FREM3: variants seen among roughly 807,000 people sequenced by gnomAD.
FREM3 encodes the protein FRAS1 related extracellular matrix 3, also known as FRAS1-related extracellular matrix protein 3.
Under a neutral mutation model 129.1 loss-of-function variants are expected in FREM3, and 105 were observed. The ratio of observed to expected loss-of-function variants is 0.81; its 90% confidence interval spans 0.69 to 0.96. The LOEUF is 0.96. FREM3 is among the 40% of genes least tolerant of loss of function. FREM3 has a pLI of 0.00. For synonymous variants in FREM3, 1,014 were observed against 1,044.9 expected (o/e 0.97, Z 0.57); for missense variants, 2,593 against 2,666.3 (o/e 0.97, Z 0.61).
Position 143,605,339 on chromosome 4 carries a change from G to A in FREM3, c.6028+5940C>T, listed in dbSNP as rs1214337195. On this transcript the variant is annotated intron_variant, in intron 6 of 7. Coordinates refer to ENST00000329798, the MANE Select transcript of FREM3 (RefSeq NM_001168235.2). ...ATTTCTTCAAGAAATAGATATTAAG[G>A]CTTTTACTTGTTTTTACGTACTCCT... Among the ~76,000 whole-genome samples, 6 of 151,790 alleles carry A rather than the reference G, an allele frequency of 4.0e-5. No individual in the cohort carries two copies. The South Asian group carries it at 6.2e-4, about 16-fold the overall frequency.
chr4:143,637,043 C>T (rs997595727), intron 2 of FREM3, among the ~76,000 whole-genome samples: 5 of 152,120 alleles, frequency 3.3e-5, no homozygotes, highest in African/African-American at 1.2e-4. Flanking sequence ...TTCTACAGCT[C>T]ACACCATAAT....
chr4:143,699,676 C>G lies in FREM3; in HGVS notation c.1000G>C (p.Asp334His). Residue 334 changes from aspartate to histidine, a missense_variant, in exon 1 of 8, where the codon GAC becomes CAC. Asp to His is a moderately conservative substitution (Grantham distance 81). This residue lies in a region of FREM3 where 2,276 missense variants were observed against 2,267.2 expected (regional missense o/e 1.00). Coordinates refer to ENST00000329798, the MANE Select transcript of FREM3 (RefSeq NM_001168235.2). The surrounding 1 kb of genome is among the most constrained non-coding windows in gnomAD (Gnocchi z 4.2). ...ALTPDALAAE[D>H]VESDPGDLVF... ...AGGTCACCAGGGTCTGACTCGACGT[C>G]CTCCGCGGCCAGTGCGTCAGGCGTC... is the stretch of plus-strand genomic sequence containing the variant. 1 of 1,527,590 alleles carries G rather than the reference C, an allele frequency of 6.5e-7. No homozygotes were observed. Among genetic ancestry groups the G allele is most frequent in the African/African-American group, 1.4e-5 (1 of 73,076 alleles). 94.6% of individuals were successfully genotyped at this position (1,527,590 alleles called of 1,614,324 possible). A position where few individuals can be genotyped will look rare whatever the true frequency, so the allele number is the denominator to read the frequency against.
At chr4:143,625,513 G>A (rs1739023593) in intron 3 of FREM3, among the ~76,000 whole-genome samples, 1 of 152,164 alleles carries the variant, frequency 6.6e-6, no homozygotes. Context: ...AAGAAAGCCT[G>A]CATTAATATT....
chr4:143,644,084 G>A (rs1035453068), intron 2 of FREM3, among the ~76,000 whole-genome samples: 1 of 152,134 alleles, frequency 6.6e-6, no homozygotes, highest in Non-Finnish European at 1.5e-5. Flanking sequence ...ATGATCAGGA[G>A]CATCCAAACA....
intron 4 of FREM3, 120 bp downstream of exon 4, chr4:143,623,988 A>T: frequency 1.6e-6 from 1 of 621,840 alleles, no homozygotes; most frequent in Non-Finnish European, 2.8e-6. Flanking sequence ...ACTTCACTTT[A>T]AATCCTAAAT....
At chr4:143,668,233 C>G (rs1183996425) in intron 2 of FREM3, among the ~76,000 whole-genome samples, 1 of 152,014 alleles carries the variant, frequency 6.6e-6, no homozygotes, top group Non-Finnish European at 1.5e-5. Flanking sequence ...ATTCTACAAG[C>G]TGGGTCAAAG....
chr4:143,615,071 A>G (rs1274658182), intron 5 of FREM3, among the ~76,000 whole-genome samples: 2 of 152,244 alleles, frequency 1.3e-5, no homozygotes, highest in Non-Finnish European at 2.9e-5. Context: ...TTGCTTTACA[A>G]AAATCATAAA....
intron 6 of FREM3, among the ~76,000 whole-genome samples, chr4:143,589,426 A>G (rs1464090778): frequency 6.6e-6 from 1 of 152,160 alleles, no homozygotes; most frequent in Non-Finnish European, 1.5e-5. Context: ...TATAAGGTGT[A>G]AGGAAGGGAT....
At chr4:143,584,509 C>T (rs936891821) in intron 7 of FREM3, among the ~76,000 whole-genome samples, 5 of 151,492 alleles carry the variant, frequency 3.3e-5, no homozygotes, top group African/African-American at 1.2e-4. Flanking sequence ...GACTTTAAGC[C>T]AGCAATGATA....
At chr4:143,685,276 C>T (rs1005657832) in intron 2 of FREM3, among the ~76,000 whole-genome samples, 1 of 152,108 alleles carries the variant, frequency 6.6e-6, no homozygotes, top group African/African-American at 2.4e-5. Context: ...TAAAGAAAAA[C>T]CTATCAGATT....
rs60978396 is a variant in FREM3, at chr4:143,585,557, T to A, written c.6178+287A>T. On this transcript the variant is annotated intron_variant, in intron 7 of 7. Coordinates refer to ENST00000329798, the MANE Select transcript of FREM3 (RefSeq NM_001168235.2). This position sits in a 1 kb window ranked among gnomAD's most constrained non-coding sequence, Gnocchi z 4.2. ...GTAATTTCATCTGAAATATTGTTTA[T>A]GAGCAGCTTTAGGTATCTATAAATA... 7.5e-3 allele frequency among the ~76,000 whole-genome samples: 1,146 copies of A among 152,356 alleles called. 12 individuals carry two copies. Among genetic ancestry groups the A allele is most frequent in the African/African-American group, 0.026 (1,083 of 41,574 alleles).
intron 2 of FREM3, among the ~76,000 whole-genome samples, chr4:143,663,273 G>T (rs1459902587): frequency 6.6e-6 from 1 of 152,030 alleles, no homozygotes; most frequent in East Asian, 1.9e-4. Flanking sequence ...TTTTAGGGCA[G>T]GCCTGGTGGT....
chr4:143,583,758 T>A (rs553151705), intron 7 of FREM3, among the ~76,000 whole-genome samples: 70 of 152,208 alleles, frequency 4.6e-4, no homozygotes, highest in African/African-American at 1.7e-3. Flanking sequence ...CAAGCAAATG[T>A]TAAGGGCATT....
In FREM3 at chr4:143,699,177, G is replaced by A; in HGVS notation, c.1499C>T (p.Ala500Val). The A allele has an allele frequency of 6.5e-7, 1 of 1,537,354 alleles. No homozygotes were observed. The change falls in exon 1 of 8, where the codon GCA (alanine) becomes GTA (valine). Residue 500 changes from alanine to valine, a missense_variant. This residue lies in a region of FREM3 where 2,276 missense variants were observed against 2,267.2 expected (regional missense o/e 1.00). Transcript: ENST00000329798. The surrounding 1 kb of genome is among the most constrained non-coding windows in gnomAD (Gnocchi z 4.2). ...CKYFTPADLAAGRVVYQHDGS... is the reference protein window; with the variant it reads ...CKYFTPADLAVGRVVYQHDGS... ...ATCATGCTGATACACCACTCGCCCT[G>A]CTGCCAGGTCCGCTGGTGTGAAATA...
intron 6 of FREM3, among the ~76,000 whole-genome samples, chr4:143,605,632 C>G (rs566918682): frequency 2.7e-4 from 41 of 152,124 alleles, no homozygotes; most frequent in Non-Finnish European, 5.3e-4. Context: ...AGGATATGCA[C>G]TGGATTAATT....
intron 6 of FREM3, among the ~76,000 whole-genome samples, chr4:143,594,896 C>T (rs1173833607): frequency 2.0e-5 from 3 of 152,162 alleles, no homozygotes; most frequent in Non-Finnish European, 2.9e-5. Flanking sequence ...GAGATGCTAG[C>T]AGTGATTCTA....
At chr4:143,590,035 CTCTG>C (rs920187962) in intron 6 of FREM3, among the ~76,000 whole-genome samples, 58 of 151,694 alleles carry the variant, frequency 3.8e-4, no homozygotes, top group African/African-American at 1.2e-3. Flanking sequence ...TGATTTGGCT[CTCTG>C]TCTGTTATTG....
chr4:143,670,917 T>A (rs1739953822), intron 2 of FREM3, among the ~76,000 whole-genome samples: 1 of 152,110 alleles, frequency 6.6e-6, no homozygotes, highest in South Asian at 2.1e-4. Flanking sequence ...GTTTCATTTT[T>A]ATGGAGAGAA....
chr4:143,624,063 A>G, intron 4 of FREM3, 45 bp downstream of exon 4: 1 of 1,140,050 alleles, frequency 8.8e-7, no homozygotes, highest in Non-Finnish European at 1.3e-6. Flanking sequence ...AATGGAGCCA[A>G]GAACCTGTAC....
Sources: gnomAD v4.1 joint callset for allele counts (sites outside exome capture counted in the v4.1 genomes callset) on GRCh38, gnomAD v4.1.1 for gene constraint, gnomAD v4.1.1 regional missense constraint, Gnocchi (gnomAD v3.1) non-coding constraint, MANE v1.5 for transcripts, NCBI Gene and HGNC (gene_info 2026-07-23, HGNC 2026-07-21) for gene names.